GRID2IP: variants seen among roughly 807,000 people sequenced by gnomAD.
GRID2IP encodes the protein Grid2 interacting protein.
In GRID2IP, 78 loss-of-function variants were observed where a neutral mutation model predicts 114.3. The ratio of observed to expected loss-of-function variants is 0.68; its 90% CI spans 0.57 to 0.82. The LOEUF is 0.82. GRID2IP is among the 40% of genes least tolerant of loss of function. GRID2IP has a pLI of 0.00. For missense variants in GRID2IP, 1,727 were observed against 1,678.5 expected (o/e 1.03, Z -0.51); for synonymous variants, 809 against 724.0 (o/e 1.12, Z -1.89).
At chr7:6,513,698 GC>G (rs1199827784) in intron 8 of GRID2IP, among the ~76,000 whole-genome samples, 1 of 152,200 alleles carries the variant, frequency 6.6e-6, no homozygotes, top group East Asian at 1.9e-4. Context: ...CGTCCGTGGG[GC>G]CACGTGTGGG....
At chr7:6,517,140 C>T (rs1212803001) in intron 7 of GRID2IP, among the ~76,000 whole-genome samples, 1 of 151,694 alleles carries the variant, frequency 6.6e-6, no homozygotes, top group Non-Finnish European at 1.5e-5. Flanking sequence ...CTGCAAGCTC[C>T]GCCTCCCAGG....
At chr7:6,512,211 C>T (rs1583339098) in intron 8 of GRID2IP, among the ~76,000 whole-genome samples, 1 of 125,710 alleles carries the variant, frequency 8.0e-6, no homozygotes, top group Middle Eastern at 4.4e-3. Flanking sequence ...GCCACCACAC[C>T]TGCCTTTTTT....
At chr7:6,527,387 G>C (rs1462808105) in intron 2 of GRID2IP, among the ~76,000 whole-genome samples, 1 of 152,118 alleles carries the variant, frequency 6.6e-6, no homozygotes, top group Admixed American at 6.6e-5. Flanking sequence ...GCTAAATGAG[G>C]CTCCGTACCC....
intron 2 of GRID2IP, among the ~76,000 whole-genome samples, chr7:6,539,003 G>A (rs1181392563): frequency 2.0e-5 from 3 of 152,032 alleles, no homozygotes; most frequent in African/African-American, 7.3e-5. Context: ...GCCCCACATG[G>A]CACAGTCCTG....
chr7:6,497,818 C>A lies in GRID2IP; in HGVS notation c.3592G>T (p.Glu1198Ter). The change falls in exon 22 of 22, where the codon GAG (glutamate) becomes TAG (stop). Residue 1198 changes from glutamate to a stop codon, truncating the protein, a stop_gained. Coordinates refer to ENST00000457091, the MANE Select transcript of GRID2IP (RefSeq NM_001145118.2). LOFTEE classifies it high-confidence loss of function. Reference protein sequence around the residue: ...ERALSDLQAGEGLRSSGMVSP... With the variant: ...ERALSDLQAG ...ACCATCCCGGAGCTGCGCAGGCCCT[C>A]CCCGGCCTGCAGGTCACTCAGCGCT... 1 of 1,550,046 alleles carries A rather than the reference C, an allele frequency of 6.5e-7. No homozygotes were observed. Among genetic ancestry groups the A allele is most frequent in the Non-Finnish European group, 8.7e-7 (1 of 1,146,668 alleles).
rs1448860096 is a variant in GRID2IP, at chr7:6,519,048, A to T, written c.1268+1530T>A. On this transcript the variant is annotated intron_variant, in intron 7 of 21. Coordinates refer to ENST00000457091, the MANE Select transcript of GRID2IP (RefSeq NM_001145118.2). This position sits in a 1 kb window ranked among gnomAD's most constrained non-coding sequence, Gnocchi z 4.1. ...ATTCTCCTGCCTCAGCCTCCCAAGTAGCTGGAACTACAGGTGCGCACCACC... is the reference window on the plus strand; with the variant it reads ...ATTCTCCTGCCTCAGCCTCCCAAGTTGCTGGAACTACAGGTGCGCACCACC... Among the ~76,000 whole-genome samples, 1 of 151,728 alleles carries T rather than the reference A, an allele frequency of 6.6e-6. No individual in the cohort carries two copies. The highest frequency in any genetic ancestry group is 6.6e-5 in the Admixed American group (1 of 15,218).
chr7:6,510,330 G>C lies in GRID2IP; in HGVS notation c.1724C>G (p.Ser575Cys), dbSNP rs1446009008. Residue 575 changes from serine to cysteine, a missense_variant, in exon 11 of 22, where the codon TCC becomes TGC. Ser to Cys is a moderately radical substitution (Grantham distance 112). Transcript: ENST00000457091. ...GCCTGGAGGGGAAGCCCGGGATTTG[G>C]ACACGGTCCCCATCTTCCCTTTGAA... The part of the protein sequence containing the change: ...SSFKGKMGTV[S>C]KSRASPPGPS... 3.2e-6 allele frequency: 5 copies of C among 1,547,694 alleles called. No individual in the cohort carries two copies. Among genetic ancestry groups the C allele is most frequent in the Non-Finnish European group, 4.4e-6 (5 of 1,145,380 alleles).
At position 6,508,347 on chromosome 7, in the gene GRID2IP, T is replaced by G; in HGVS notation, c.2182A>C (p.Ser728Arg). The G allele has an allele frequency of 6.4e-7, 1 of 1,551,570 alleles. No individual in the cohort carries two copies. Among genetic ancestry groups the G allele is most frequent in the Non-Finnish European group, 8.7e-7 (1 of 1,147,022 alleles). ...TCTTCACTGCTGCTGATGCAGTCGC[T>G]GGCGCTGCTCCGCTCATTGGTTACG... ...SFVTNERSSASDCISSSEEGS... is the reference protein window; with the variant it reads ...SFVTNERSSARDCISSSEEGS... Residue 728 changes from serine (S) to arginine (R), a missense_variant, in exon 13 of 22, where the codon AGC (serine) becomes CGC (arginine). By Grantham distance (110) the Ser-to-Arg change is moderately radical. Coordinates refer to ENST00000457091, the MANE Select transcript of GRID2IP (RefSeq NM_001145118.2). This position sits in a 1 kb window ranked among gnomAD's most constrained non-coding sequence, Gnocchi z 5.6.
chr7:6,504,202 G>A (rs1786506566), intron 15 of GRID2IP, among the ~76,000 whole-genome samples: 2 of 150,982 alleles, frequency 1.3e-5, no homozygotes, highest in South Asian at 2.1e-4. Flanking sequence ...CTTTGGGATT[G>A]GCCGGGGCTA....
In GRID2IP at chr7:6,521,893, G is replaced by A; in HGVS notation, c.984C>T (p.Asp328=). The part of the protein sequence containing the change: ...GDRILFLNGL[D]MRNCSHDKVV... Reference sequence around the variant, plus strand: ...TGTCCCCAATAGCCTCTGACCTCATGTCCAGTCCATTGAGGAAGAGGATCC... The same window carrying A: ...TGTCCCCAATAGCCTCTGACCTCATATCCAGTCCATTGAGGAAGAGGATCC... The change falls in exon 5 of 22, where the codon GAC becomes GAT. Residue 328 remains aspartate (D), a synonymous_variant. Coordinates refer to ENST00000457091, the MANE Select transcript of GRID2IP (RefSeq NM_001145118.2). The surrounding 1 kb of genome is among the most constrained non-coding windows in gnomAD (Gnocchi z 4.1). The A allele has an allele frequency of 6.5e-7, 1 of 1,550,342 alleles. No homozygotes were observed. Among genetic ancestry groups the A allele is most frequent in the Non-Finnish European group, 8.7e-7 (1 of 1,145,782 alleles).
intron 2 of GRID2IP, among the ~76,000 whole-genome samples, chr7:6,530,556 G>A (rs1779599723): frequency 6.7e-6 from 1 of 150,134 alleles, no homozygotes; most frequent in Admixed American, 6.7e-5. Context: ...TTACAGGCGT[G>A]AGCCACCGCG....
In GRID2IP at chr7:6,502,140, C is replaced by G; in HGVS notation, c.3151-22G>C. The G allele has an allele frequency of 4.5e-6, 7 of 1,550,400 alleles. No homozygotes were observed. The South Asian group carries it at 8.3e-5, about 18-fold the overall frequency. On this transcript the variant is annotated intron_variant, in intron 18 of 21. Coordinates refer to ENST00000457091, the MANE Select transcript of GRID2IP (RefSeq NM_001145118.2). The stretch of plus-strand genomic sequence containing the variant: ...TCAGCTGCAAGTGACCCCCAATATA[C>G]ATTCCCGTCAAGGACCCCATCAGAT...
intron 2 of GRID2IP, 35 bp downstream of exon 2, chr7:6,539,683 C>T: frequency 6.6e-7 from 1 of 1,516,652 alleles, no homozygotes; most frequent in African/African-American, 1.4e-5. Context: ...GTGAGACCCA[C>T]CCTGCCTGTC....
rs1451295237 is a variant in GRID2IP, at chr7:6,550,882, T to C, written c.429+126A>G. 4 of 1,107,754 alleles carry C rather than the reference T, an allele frequency of 3.6e-6. No homozygotes were observed. The East Asian group carries it at 1.4e-4, about 38-fold the overall frequency. The allele number at this position is 1,107,754 out of a possible 1,614,324, so 68.6% of individuals were successfully genotyped here. A position where few individuals can be genotyped will look rare whatever the true frequency, so the allele number is the denominator to read the frequency against. The stretch of plus-strand genomic sequence containing the variant: ...GGTTTTGAAGTTGAGCATTCCCATA[T>C]TTCTGTTAAATCTGACCCCAGAAGT... On this transcript the variant is annotated intron_variant, in intron 1 of 21. Transcript: ENST00000457091.
chr7:6,511,817 G>T (rs142951330), intron 8 of GRID2IP, among the ~76,000 whole-genome samples: 1 of 152,060 alleles, frequency 6.6e-6, no homozygotes, highest in Admixed American at 6.6e-5. Context: ...ACTCTGCAGC[G>T]GCCCCTTCCC....
intron 8 of GRID2IP, among the ~76,000 whole-genome samples, chr7:6,513,066 G>A (rs1169488681): frequency 1.3e-5 from 2 of 152,028 alleles, no homozygotes; most frequent in African/African-American, 4.8e-5. Flanking sequence ...GTGGGCATTC[G>A]GAGGGCACGC....
chr7:6,521,948 G>T lies in GRID2IP; in HGVS notation c.929C>A (p.Ala310Asp). The T allele has an allele frequency of 6.4e-7, 1 of 1,551,338 alleles. No individual in the cohort carries two copies. Among genetic ancestry groups the T allele is most frequent in the Non-Finnish European group, 8.7e-7 (1 of 1,146,748 alleles). The part of the protein sequence containing the change: ...WIESVLPGSP[A>D]DNAALKSGDR... ...ACCTGACTTGAGGGCAGCATTGTCA[G>T]CTGGGCTCCCTGGAAGCAAGAAGAG... The change falls in exon 5 of 22, where the codon GCT (alanine) becomes GAT (aspartate). Residue 310 changes from alanine to aspartate, a missense_variant. Coordinates refer to ENST00000457091, the MANE Select transcript of GRID2IP (RefSeq NM_001145118.2). The surrounding 1 kb of genome is among the most constrained non-coding windows in gnomAD (Gnocchi z 4.1).
Position 6,508,363 on chromosome 7 carries a change from A to T in GRID2IP, c.2166T>A (p.Asn722Lys). The T allele has an allele frequency of 1.3e-6, 2 of 1,551,510 alleles. No individual in the cohort carries two copies. The highest frequency in any genetic ancestry group is 1.4e-5 in the African/African-American group (1 of 73,110). ...FHDDQGSFVT[N>K]ERSSASDCIS... ...TGCAGTCGCTGGCGCTGCTCCGCTC[A>T]TTGGTTACGAAGCTGCCCTGGTCAT... The change falls in exon 13 of 22, where the codon AAT becomes AAA. Residue 722 changes from asparagine to lysine, a missense_variant. Asn to Lys is a moderately conservative substitution (Grantham distance 94). Coordinates refer to ENST00000457091, the MANE Select transcript of GRID2IP (RefSeq NM_001145118.2). The surrounding 1 kb of genome is among the most constrained non-coding windows in gnomAD (Gnocchi z 5.6).
At chr7:6,515,963 G>A (rs1779288826) in intron 7 of GRID2IP, among the ~76,000 whole-genome samples, 1 of 151,850 alleles carries the variant, frequency 6.6e-6, no homozygotes, top group African/African-American at 2.4e-5. Context: ...CAGGCGTGGT[G>A]GTGTGTGCCT....
Sources: gnomAD v4.1 joint callset for allele counts (sites outside exome capture counted in the v4.1 genomes callset) on GRCh38, gnomAD v4.1.1 for gene constraint, Gnocchi (gnomAD v3.1) non-coding constraint, MANE v1.5 for transcripts, NCBI Gene and HGNC (gene_info 2026-07-23, HGNC 2026-07-21) for gene names.